Variants in KSR2 observed in about 807,000 individuals in gnomAD.
The protein encoded by KSR2 is kinase suppressor of ras 2.
KSR2 carries 25 observed loss-of-function variants against 107.8 expected under a neutral mutation model. The observed-to-expected ratio is 0.23, with a 90% CI of 0.17 to 0.32. KSR2 has a LOEUF of 0.32. Ranked by LOEUF, KSR2 falls within the 10% of genes least tolerant of loss-of-function variation. The pLI is 1.00. For synonymous variants in KSR2, 480 were observed against 507.0 expected (o/e 0.95, Z 0.71); for missense variants, 887 against 1,268.9 (o/e 0.70, Z 4.57).
At chr12:117,925,115 T>C (rs751069528) in intron 1 of KSR2, among the ~76,000 whole-genome samples, 29 of 151,694 alleles carry the variant, frequency 1.9e-4, no homozygotes, top group Non-Finnish European at 3.5e-4. Flanking sequence ...TTTGTTATAC[T>C]ATATTTTCTT....
chr12:117,479,272 T>C (rs1383092229), intron 16 of KSR2, among the ~76,000 whole-genome samples: 1 of 152,222 alleles, frequency 6.6e-6, no homozygotes, highest in Non-Finnish European at 1.5e-5. Context: ...TAATTGCATT[T>C]GGATGGTGGC....
At chr12:117,730,477 C>T (rs1887620531) in intron 4 of KSR2, among the ~76,000 whole-genome samples, 1 of 150,874 alleles carries the variant, frequency 6.6e-6, no homozygotes, top group Admixed American at 6.6e-5. Flanking sequence ...CTCCCCTCTC[C>T]CTCGTCTCCC....
intron 4 of KSR2, among the ~76,000 whole-genome samples, chr12:117,686,195 C>T (rs11068628): frequency 0.095 from 14,078 of 147,840 alleles, 842 homozygotes; most frequent in East Asian, 0.25. Context: ...ACCACAGGCA[C>T]ACACCACCAC....
intron 14 of KSR2, among the ~76,000 whole-genome samples, chr12:117,503,271 G>C (rs528782986): frequency 2.0e-5 from 3 of 152,282 alleles, no homozygotes; most frequent in Admixed American, 2.0e-4. Flanking sequence ...AGGTCTGGAA[G>C]GGTTAAATTA....
Position 117,968,516 on chromosome 12 carries a change from T to C in KSR2, c.-261A>G. The C allele has an allele frequency of 8.1e-7, 1 of 1,239,152 alleles. No homozygotes were observed. Among genetic ancestry groups the C allele is most frequent in the Non-Finnish European group, 1.0e-6 (1 of 994,306 alleles). 76.8% of individuals were successfully genotyped at this position (1,239,152 alleles called of 1,614,324 possible). On this transcript the variant is annotated 5_prime_UTR_variant, in exon 1 of 20. Transcript: ENST00000339824. Reference sequence around the variant, plus strand: ...CCTCTCTCTCTGAGTCTCTGGTCCCTGAAAAGGAGAGATGCTGTTTCTCAG... The same window carrying C: ...CCTCTCTCTCTGAGTCTCTGGTCCCCGAAAAGGAGAGATGCTGTTTCTCAG...
chr12:117,692,497 T>C (rs1458259515), intron 4 of KSR2, among the ~76,000 whole-genome samples: 8 of 60,030 alleles, frequency 1.3e-4, no homozygotes, highest in East Asian at 9.1e-4. Context: ...TATATATATA[T>C]ATATATATAC....
chr12:117,730,269 T>G (rs1887607676), intron 4 of KSR2, among the ~76,000 whole-genome samples: 1 of 152,216 alleles, frequency 6.6e-6, no homozygotes. Flanking sequence ...CCTCCATACC[T>G]CAGTTTCATT....
At chr12:117,667,851 T>C (rs1307110391) in intron 4 of KSR2, among the ~76,000 whole-genome samples, 193 bp from the exon 5 acceptor site, 2 of 152,132 alleles carry the variant, frequency 1.3e-5, no homozygotes, top group Non-Finnish European at 2.9e-5. Flanking sequence ...CCTAGGTCCC[T>C]CTAAGAAGCT....
chr12:117,721,234 G>A (rs1010575934), intron 4 of KSR2, among the ~76,000 whole-genome samples: 2 of 152,118 alleles, frequency 1.3e-5, no homozygotes, highest in Non-Finnish European at 1.5e-5. Context: ...GAGAAGCATG[G>A]ATACCAATGC....
intron 3 of KSR2, among the ~76,000 whole-genome samples, chr12:117,800,304 T>TG (rs1044572581): frequency 6.6e-6 from 1 of 152,106 alleles, no homozygotes; most frequent in Non-Finnish European, 1.5e-5. Flanking sequence ...GGGTGGGTCC[T>TG]GGGGGGTCTC....
rs199606466 is a variant in KSR2, at chr12:117,794,566, CCAA to C, written c.473-33045_473-33043del. On this transcript the variant is annotated intron_variant, in intron 3 of 19. Coordinates refer to ENST00000339824, the MANE Select transcript of KSR2 (RefSeq NM_173598.6). ...CACACTCAACCAACATGCACACACA[CCAA>C]CATGCACACATACATCAACATGCAC... 8.2e-4 allele frequency among the ~76,000 whole-genome samples: 123 copies of C among 149,480 alleles called. 1 individual carries two copies. The highest frequency in any genetic ancestry group is 2.9e-3 in the African/African-American group (117 of 40,240).
chr12:117,719,591 C>T (rs1040540181), intron 4 of KSR2, among the ~76,000 whole-genome samples: 3 of 152,174 alleles, frequency 2.0e-5, no homozygotes, highest in African/African-American at 7.2e-5. Context: ...CAGTTTGCCC[C>T]ACTCCCCACC....
Position 117,968,313 on chromosome 12 carries a change from G to GGAGTAGA in KSR2, c.-59_-58insTCTACTC. 6.9e-7 allele frequency: 1 copy of GGAGTAGA among 1,452,838 alleles called. No homozygotes were observed. The allele number at this position is 1,452,838 out of a possible 1,614,324, so 90.0% of individuals were successfully genotyped here. On this transcript the variant is annotated 5_prime_UTR_variant, in exon 1 of 20. Coordinates refer to ENST00000339824, the MANE Select transcript of KSR2 (RefSeq NM_173598.6). ...CCTCCCAGAGAGAAAAAAGAGGGGG[G>GGAGTAGA]GGAGTAGAGGTAGTCTACCCTCCGC...
At chr12:117,481,710 C>T (rs1000724974) in intron 16 of KSR2, among the ~76,000 whole-genome samples, 1 of 152,216 alleles carries the variant, frequency 6.6e-6, no homozygotes, top group African/African-American at 2.4e-5. Flanking sequence ...AACTTCCAGG[C>T]CTATCTCCTG....
chr12:117,968,422 G>C lies in KSR2; in HGVS notation c.-167C>G, dbSNP rs1278184156. 1 of 1,323,306 alleles carries C rather than the reference G, an allele frequency of 7.6e-7. No individual in the cohort carries two copies. Among genetic ancestry groups the C allele is most frequent in the Non-Finnish European group, 9.6e-7 (1 of 1,044,456 alleles). 82.0% of individuals were successfully genotyped at this position (1,323,306 alleles called of 1,614,324 possible). On this transcript the variant is annotated 5_prime_UTR_variant, in exon 1 of 20. Coordinates refer to ENST00000339824, the MANE Select transcript of KSR2 (RefSeq NM_173598.6). ...CACAGGGTTGAGGGGGTGGGAGTGG[G>C]AGGAGGGGACAAGAGCCAAAATTTA...
chr12:117,605,605 C>T (rs2136300937), intron 5 of KSR2, among the ~76,000 whole-genome samples: 1 of 152,194 alleles, frequency 6.6e-6, no homozygotes, highest in South Asian at 2.1e-4. Context: ...GTCCATGACC[C>T]AGCAATCCCA....
chr12:117,806,172 G>A (rs1890999638), intron 3 of KSR2, among the ~76,000 whole-genome samples: 1 of 152,146 alleles, frequency 6.6e-6, no homozygotes, highest in Non-Finnish European at 1.5e-5. Flanking sequence ...TGAGTATAAG[G>A]ACAGATCACA....
intron 4 of KSR2, among the ~76,000 whole-genome samples, chr12:117,725,669 G>T (rs1238167361): frequency 6.6e-6 from 1 of 152,172 alleles, no homozygotes; most frequent in South Asian, 2.1e-4. Context: ...AAATTATTAG[G>T]CCGGGAGTAG....
In KSR2 at chr12:117,834,214, A is replaced by T. The variant is rs187122757; in HGVS notation, c.472+21214T>A. Among the ~76,000 whole-genome samples the T allele has an allele frequency of 6.6e-5, 10 of 152,068 alleles. No individual in the cohort carries two copies. In the East Asian group the frequency reaches 9.7e-4, roughly 15 times the overall value. On this transcript the variant is annotated intron_variant, in intron 3 of 19. Transcript: ENST00000339824. ...AGGACTCGGCTGAATAAAGACCATGATCCGAAGTTAAAAGGAGTTTCAGGT... is the reference window on the plus strand; with the variant it reads ...AGGACTCGGCTGAATAAAGACCATGTTCCGAAGTTAAAAGGAGTTTCAGGT...
Sources: allele counts gnomAD v4.1 joint callset (sites outside exome capture counted in the v4.1 genomes callset), GRCh38; gene constraint gnomAD v4.1.1; transcripts MANE v1.5; gene names NCBI Gene and HGNC (gene_info 2026-07-23, HGNC 2026-07-21).